Variants in NAALADL2 observed in about 807,000 individuals in gnomAD.
The protein encoded by NAALADL2 is N-acetylated alpha-linked acidic dipeptidase like 2.
NAALADL2 carries 76 observed loss-of-function variants against 87.2 expected under a neutral mutation model. The observed-to-expected ratio is 0.87, with a 90% CI of 0.72 to 1.05. The LOEUF is 1.05. Among genes scored for constraint, NAALADL2 ranks in the 50% least tolerant of loss-of-function variants. NAALADL2 has a pLI of 0.00. For synonymous variants in NAALADL2, 354 were observed against 331.0 expected (o/e 1.07, Z -0.75); for missense variants, 1,089 against 945.8 (o/e 1.15, Z -1.99).
intron 2 of NAALADL2, among the ~76,000 whole-genome samples, chr3:174,592,388 A>G (rs915957506): frequency 1.1e-4 from 16 of 152,152 alleles, no homozygotes; most frequent in African/African-American, 3.9e-4. Flanking sequence ...ATTTAGCATT[A>G]GGTATATCTC....
intron 11 of NAALADL2, among the ~76,000 whole-genome samples, chr3:175,732,812 C>T (rs1364926019): frequency 2.7e-5 from 4 of 150,466 alleles, no homozygotes; most frequent in Non-Finnish European, 5.9e-5. Flanking sequence ...TGGGAGAAAA[C>T]TACCTCAAAG....
chr3:175,612,915 A>C (rs775455145), intron 10 of NAALADL2, among the ~76,000 whole-genome samples: 4 of 152,128 alleles, frequency 2.6e-5, no homozygotes, highest in Non-Finnish European at 5.9e-5. Context: ...AATTTTATTC[A>C]TTGTGTTACC....
intron 13 of NAALADL2, among the ~76,000 whole-genome samples, chr3:175,779,882 T>C (rs936475469): frequency 6.6e-6 from 1 of 152,284 alleles, no homozygotes; most frequent in South Asian, 2.1e-4. Context: ...TCTTACTGAT[T>C]TTTATTCCTA....
intron 11 of NAALADL2, among the ~76,000 whole-genome samples, chr3:175,697,086 T>C (rs1737893522): frequency 6.6e-6 from 1 of 152,102 alleles, no homozygotes; most frequent in South Asian, 2.1e-4. Flanking sequence ...TATGGAATTT[T>C]AACCTGTCTA....
intron 11 of NAALADL2, chr3:175,655,408 C>A (rs962056042): frequency 3.5e-6 from 1 of 287,958 alleles, no homozygotes; most frequent in African/African-American, 2.3e-5. Context: ...GAAAGTTTTC[C>A]AATATATTTA....
chr3:175,699,122 T>C (rs1380734672), intron 11 of NAALADL2, among the ~76,000 whole-genome samples: 1 of 151,942 alleles, frequency 6.6e-6, no homozygotes, highest in Non-Finnish European at 1.5e-5. Flanking sequence ...AAGTAGGTTA[T>C]ATAAAGGAAG....
chr3:174,675,549 G>A (rs1374689913), intron 2 of NAALADL2, among the ~76,000 whole-genome samples: 1 of 152,122 alleles, frequency 6.6e-6, no homozygotes, highest in Non-Finnish European at 1.5e-5. Flanking sequence ...AGTGCAAAAA[G>A]CAATTTTTGC....
chr3:175,452,851 G>A (rs1471193079), intron 6 of NAALADL2, among the ~76,000 whole-genome samples: 2 of 152,094 alleles, frequency 1.3e-5, no homozygotes, highest in Non-Finnish European at 2.9e-5. Flanking sequence ...GCGTAGGGGG[G>A]AACCTATTGT....
chr3:174,709,634 CAG>C lies in NAALADL2; in HGVS notation c.-114-28004_-114-28003del, dbSNP rs538994665. Reference sequence around the variant, plus strand: ...ATCATCTTTCATAAACCTAATTTATCAGAGGAATAAAAAAATGTTTATAGACT... The same window carrying C: ...ATCATCTTTCATAAACCTAATTTATCAGGAATAAAAAAATGTTTATAGACT... On this transcript the variant is annotated intron_variant, in intron 2 of 3. Transcript: ENST00000434257. Among the ~76,000 whole-genome samples the C allele has an allele frequency of 1.6e-4, 25 of 152,094 alleles. No individual in the cohort carries two copies. The South Asian group carries it at 5.2e-3, about 32-fold the overall frequency.
chr3:175,692,183 A>C (rs1411998691), intron 11 of NAALADL2, among the ~76,000 whole-genome samples: 1 of 152,002 alleles, frequency 6.6e-6, no homozygotes, highest in Non-Finnish European at 1.5e-5. Flanking sequence ...ACCTATGTTC[A>C]TAGGGGATTT....
chr3:175,588,087 T>TAA (rs201465705), intron 10 of NAALADL2, among the ~76,000 whole-genome samples: 35 of 135,252 alleles, frequency 2.6e-4, no homozygotes, highest in South Asian at 4.9e-4. Flanking sequence ...AACCTTGGGG[T>TAA]AAAAAAAAAA....
intron 1 of NAALADL2, among the ~76,000 whole-genome samples, chr3:174,910,290 A>G (rs547571392): frequency 1.1e-4 from 16 of 152,240 alleles, no homozygotes; most frequent in Admixed American, 4.6e-4. Context: ...TTGGCATGCT[A>G]ACTTAAAGTC....
At chr3:175,484,964 T>A (rs537860787) in intron 9 of NAALADL2, among the ~76,000 whole-genome samples, 7 of 152,312 alleles carry the variant, frequency 4.6e-5, no homozygotes, top group Admixed American at 4.6e-4. Flanking sequence ...TAATACTTCC[T>A]GGGCTTTCCC....
chr3:174,863,985 T>C, intron 1 of NAALADL2: 1 of 448,568 alleles, frequency 2.2e-6, no homozygotes, highest in South Asian at 1.6e-5. Flanking sequence ...CATCTTGGAG[T>C]TGAAATTTCC....
chr3:174,724,673 C>G (rs1732021306), intron 2 of NAALADL2, among the ~76,000 whole-genome samples: 1 of 151,774 alleles, frequency 6.6e-6, no homozygotes, highest in African/African-American at 2.4e-5. Context: ...TCAACATATA[C>G]TTATTGATTA....
intron 1 of NAALADL2, among the ~76,000 whole-genome samples, chr3:174,490,116 C>T (rs1718090964): frequency 6.6e-6 from 1 of 152,026 alleles, no homozygotes; most frequent in African/African-American, 2.4e-5. Context: ...TTCATAGCAG[C>T]ATTATTAATA....
At chr3:175,647,468 T>G (rs534145711) in intron 11 of NAALADL2, among the ~76,000 whole-genome samples, 20 of 152,178 alleles carry the variant, frequency 1.3e-4, no homozygotes, top group Non-Finnish European at 2.4e-4. Context: ...AACTGCTGCA[T>G]TCAGATTATT....
intron 3 of NAALADL2, among the ~76,000 whole-genome samples, chr3:174,846,090 A>G (rs571515693): frequency 4.6e-5 from 7 of 152,244 alleles, no homozygotes; most frequent in Non-Finnish European, 7.4e-5. Context: ...ACCCTCCTGT[A>G]GCAATAAAAT....
At chr3:174,970,160 G>A (rs145636042) in intron 1 of NAALADL2, among the ~76,000 whole-genome samples, 1 of 152,010 alleles carries the variant, frequency 6.6e-6, no homozygotes, top group Non-Finnish European at 1.5e-5. Flanking sequence ...CTTAGAACCA[G>A]GTAGATAAAA....
Sources: allele counts gnomAD v4.1 joint callset (sites outside exome capture counted in the v4.1 genomes callset), GRCh38; gene constraint gnomAD v4.1.1; transcripts MANE v1.5; gene names NCBI Gene and HGNC (gene_info 2026-07-23, HGNC 2026-07-21).